The following CLASP2 variants were observed in gnomAD, a reference collection of about 807,000 sequenced individuals.
CLASP2 encodes cytoplasmic linker associated protein 2.
A neutral mutation model predicts 194.4 loss-of-function variants in CLASP2; 47 were observed. The observed-to-expected ratio is 0.24, with a 90% CI of 0.19 to 0.31. The LOEUF (loss-of-function observed/expected upper bound fraction) is 0.31, where lower values mean the gene tolerates loss of function less well. Among genes scored for constraint, CLASP2 ranks in the 10% least tolerant of loss-of-function variants. The pLI is 1.00. For synonymous variants in CLASP2, 619 were observed against 633.5 expected, an observed-to-expected ratio of 0.98 and a Z score of 0.34; for missense variants, 1,445 against 1,823.6, an observed-to-expected ratio of 0.79 and a Z score of 3.78.
intron 12 of CLASP2, among the ~76,000 whole-genome samples, chr3:33,615,332 C>A (rs1577228142): frequency 7.7e-6 from 1 of 130,366 alleles, no homozygotes; most frequent in African/African-American, 2.9e-5. Context: ...CAGAGAGGAG[C>A]ATAACAAAGG....
At chr3:33,599,418 C>T (rs1279149375) in intron 18 of CLASP2, among the ~76,000 whole-genome samples, 8 of 152,100 alleles carry the variant, frequency 5.3e-5, no homozygotes, top group Non-Finnish European at 8.8e-5. Flanking sequence ...GTCACTGTGC[C>T]GGCCTCTCTG....
rs1201399275 is a variant in CLASP2, at chr3:33,592,412, A to G, written c.2051T>C (p.Met684Thr). The G allele has an allele frequency of 6.2e-7, 1 of 1,612,904 alleles. No individual in the cohort carries two copies. Among genetic ancestry groups the G allele is most frequent in the Non-Finnish European group, 8.5e-7 (1 of 1,179,330 alleles). ...ADSRGRSRTK[M>T]VSQSQPGSRS... ...ATACATACGCTGTGATTGAGACACC[A>G]TTTTTGTTCGACTTCTTCCTCTAGA... The change falls in exon 21 of 39, where the codon ATG becomes ACG. Residue 684 changes from methionine to threonine, a missense_variant. By Grantham distance (81) the Met-to-Thr change is moderately conservative (BLOSUM62 -1). This residue lies in a region of CLASP2 where 174 missense variants were observed against 179.0 expected (regional missense o/e 0.97). Coordinates refer to ENST00000682230, the MANE Select transcript of CLASP2 (RefSeq NM_001365631.1).
chr3:33,603,160 T>C (rs1463784050), intron 17 of CLASP2, 35 bp from the exon 18 acceptor site: 6 of 1,497,576 alleles, frequency 4.0e-6, no homozygotes, highest in Non-Finnish European at 5.4e-6. Flanking sequence ...CTTATATCAT[T>C]TAAATCACTG....
chr3:33,603,193 C>T, intron 17 of CLASP2, 68 bp from the exon 18 acceptor site: 1 of 1,438,390 alleles, frequency 7.0e-7, no homozygotes, highest in African/African-American at 1.4e-5. Context: ...TTATATAAAC[C>T]TGACCACCAT....
At chr3:33,499,736 C>T (rs2154068097) in intron 38 of CLASP2, among the ~76,000 whole-genome samples, 1 of 152,200 alleles carries the variant, frequency 6.6e-6, no homozygotes, top group Middle Eastern at 3.4e-3. Context: ...TAATAACAAA[C>T]AATTGAGTAC....
At chr3:33,629,979 C>T (rs1025601523) in intron 9 of CLASP2, among the ~76,000 whole-genome samples, 9 of 151,994 alleles carry the variant, frequency 5.9e-5, no homozygotes, top group Admixed American at 3.9e-4. Context: ...TCCTTGAAAT[C>T]GTGCAGAAGT....
chr3:33,692,900 G>A (rs58202325), intron 2 of CLASP2, among the ~76,000 whole-genome samples: 12,013 of 151,808 alleles, frequency 0.079, 511 homozygotes, highest in Admixed American at 0.1. Flanking sequence ...TTTTCTTTTA[G>A]CTTCGTACAA....
chr3:33,501,956 T>C (rs1042832535), intron 37 of CLASP2, 188 bp from the exon 38 acceptor site: 22 of 538,338 alleles, frequency 4.1e-5, no homozygotes, highest in Non-Finnish European at 4.3e-5. Flanking sequence ...TCACTTCCCC[T>C]ACTGCGCCCT....
chr3:33,521,099 G>A (rs1340183142), intron 34 of CLASP2, among the ~76,000 whole-genome samples: 1 of 151,920 alleles, frequency 6.6e-6, no homozygotes, highest in African/African-American at 2.4e-5. Flanking sequence ...GAATCCTGTT[G>A]GTCAAATCAA....
chr3:33,613,145 GTACAT>G (rs1408185984), intron 12 of CLASP2, among the ~76,000 whole-genome samples: 1 of 152,110 alleles, frequency 6.6e-6, no homozygotes, highest in Non-Finnish European at 1.5e-5. Flanking sequence ...CCCAAAATAT[GTACAT>G]TACATATTAA....
chr3:33,690,079 C>A, intron 2 of CLASP2, 147 bp from the exon 3 acceptor site: 1 of 484,598 alleles, frequency 2.1e-6, no homozygotes, highest in South Asian at 4.5e-5. Context: ...ACACATGAAT[C>A]CAATAAAAAA....
rs1390867755 is a variant in CLASP2, at chr3:33,627,000, C to T, written c.1023G>A (p.Gln341=). 8 of 1,589,890 alleles carry T rather than the reference C, an allele frequency of 5.0e-6. No individual in the cohort carries two copies. Among genetic ancestry groups the T allele is most frequent in the Non-Finnish European group, 6.0e-6 (7 of 1,165,694 alleles). ...GACAAAAACTTACTGCATTGGCACG[C>T]TGATCCCAGTCATGTTTATCATCTG... ...ILSDDKHDWD[Q]RANALKKIRS... The change falls in exon 10 of 39, where the codon CAG becomes CAA. Residue 341 remains glutamine (Q), a synonymous_variant. Transcript: ENST00000682230.
chr3:33,650,668 A>G (rs1024219181), intron 7 of CLASP2, among the ~76,000 whole-genome samples: 1 of 151,932 alleles, frequency 6.6e-6, no homozygotes, highest in Non-Finnish European at 1.5e-5. Flanking sequence ...ATACAGGAAG[A>G]GGAAATGGAG....
At chr3:33,645,929 T>TACAC (rs60196645) in intron 7 of CLASP2, among the ~76,000 whole-genome samples, 2,563 of 135,156 alleles carry the variant, frequency 0.019, 29 homozygotes, top group Non-Finnish European at 0.025. Context: ...TCTCCCAGCA[T>TACAC]ACACACACAC....
At chr3:33,644,162 T>G (rs1446035228) in intron 8 of CLASP2, among the ~76,000 whole-genome samples, 1 of 152,006 alleles carries the variant, frequency 6.6e-6, no homozygotes, top group Non-Finnish European at 1.5e-5. Context: ...CTAGAAACAG[T>G]TCTAATATGA....
chr3:33,627,931 A>G (rs2078339338), intron 9 of CLASP2, among the ~76,000 whole-genome samples: 1 of 152,118 alleles, frequency 6.6e-6, no homozygotes, highest in Non-Finnish European at 1.5e-5. Flanking sequence ...AAGCCAGAGT[A>G]AGGAATAAAA....
chr3:33,566,777 A>C (rs1324278218), intron 26 of CLASP2, 43 bp from the exon 27 acceptor site: 2 of 431,198 alleles, frequency 4.6e-6, no homozygotes, highest in Non-Finnish European at 9.2e-6. Context: ...CAAAAAGAAA[A>C]AAAGAAAAAA....
Position 33,498,553 on chromosome 3 carries a change from T to G in CLASP2, c.*78A>C, listed in dbSNP as rs1434819548. ...AATAGTAAGTTCCAAAGGATGTGTT[T>G]GAGAACTTCCTTTCATTGATGAGGG... On this transcript the variant is annotated 3_prime_UTR_variant, in exon 39 of 39. Coordinates refer to ENST00000682230, the MANE Select transcript of CLASP2 (RefSeq NM_001365631.1). 4.1e-5 allele frequency: 37 copies of G among 906,622 alleles called. No homozygotes were observed. The highest frequency in any genetic ancestry group is 5.5e-5 in the Non-Finnish European group (31 of 567,478). The allele number at this position is 906,622 out of a possible 1,614,324, so 56.2% of individuals were successfully genotyped here.
At chr3:33,520,402 A>G (rs1216280912) in intron 34 of CLASP2, among the ~76,000 whole-genome samples, 4 of 152,272 alleles carry the variant, frequency 2.6e-5, no homozygotes, top group Non-Finnish European at 5.9e-5. Flanking sequence ...ATGACCAGGC[A>G]TTAGTACACA....
Sources: gnomAD v4.1 joint callset for allele counts (sites outside exome capture counted in the v4.1 genomes callset) on GRCh38, gnomAD v4.1.1 for gene constraint, gnomAD v4.1.1 regional missense constraint, MANE v1.5 for transcripts, NCBI Gene and HGNC (gene_info 2026-07-23, HGNC 2026-07-21) for gene names.